Variants in P3H2 observed in about 807,000 individuals in gnomAD.
The protein encoded by P3H2 is leprecan-like 1.
In P3H2, 80 loss-of-function variants were observed where a neutral mutation model predicts 87.0. That is an observed-to-expected ratio of 0.92 (90% CI 0.77 to 1.11). The LOEUF is 1.11. P3H2 is among the 50% of genes least tolerant of loss of function. P3H2 has a pLI of 0.00. For synonymous variants in P3H2, 367 were observed against 359.3 expected, an observed-to-expected ratio of 1.02 and a Z score of -0.24; for missense variants, 1,001 against 923.9, an observed-to-expected ratio of 1.08 and a Z score of -1.08.
intron 1 of P3H2, among the ~76,000 whole-genome samples, chr3:190,085,667 T>C (rs1463918048): frequency 6.6e-6 from 1 of 152,222 alleles, no homozygotes; most frequent in Non-Finnish European, 1.5e-5. Context: ...TTGAGACAGA[T>C]TAGAAAACCT....
At chr3:190,020,223 C>G (rs1047950429) in intron 1 of P3H2, among the ~76,000 whole-genome samples, 1 of 133,782 alleles carries the variant, frequency 7.5e-6, no homozygotes, top group Non-Finnish European at 1.7e-5. Flanking sequence ...AAACCTACAC[C>G]AGGTATCTGA....
chr3:189,984,928 T>C (rs912943110), intron 6 of P3H2, among the ~76,000 whole-genome samples: 10 of 152,140 alleles, frequency 6.6e-5, no homozygotes, highest in African/African-American at 2.4e-4. Flanking sequence ...TTCTTTATGT[T>C]TGCTGAATAA....
intron 4 of P3H2, among the ~76,000 whole-genome samples, chr3:189,988,324 T>C (rs1723768093): frequency 6.6e-6 from 1 of 152,194 alleles, no homozygotes; most frequent in Non-Finnish European, 1.5e-5. Flanking sequence ...GTATGCCTTG[T>C]TTTCAAATAG....
intron 1 of P3H2, among the ~76,000 whole-genome samples, chr3:190,049,572 G>T (rs1725910716): frequency 6.6e-6 from 1 of 152,200 alleles, no homozygotes; most frequent in South Asian, 2.1e-4. Context: ...TCTTGAGGCA[G>T]TTGAGATTCT....
At chr3:189,962,149 TTTC>T (rs1261471071) in intron 14 of P3H2, among the ~76,000 whole-genome samples, 1 of 129,694 alleles carries the variant, frequency 7.7e-6, no homozygotes, top group Non-Finnish European at 1.7e-5. Flanking sequence ...TTTCTTTCTT[TTTC>T]TTCTTCTTCT....
At chr3:190,024,530 C>CAAAAAAAAAAAAAAAAAAAAAA (rs71635314) in intron 1 of P3H2, among the ~76,000 whole-genome samples, 2 of 52,952 alleles carry the variant, frequency 3.8e-5, no homozygotes, top group African/African-American at 6.5e-5. Flanking sequence ...GGTTCCCTCT[C>CAAAAAAAAAAAAAAAAAAAAAA]AAAAAAAAAA....
At chr3:190,074,064 T>A (rs1726790370) in intron 1 of P3H2, among the ~76,000 whole-genome samples, 1 of 152,224 alleles carries the variant, frequency 6.6e-6, no homozygotes, top group Non-Finnish European at 1.5e-5. Flanking sequence ...TTAGGACACT[T>A]GGATTTTACC....
chr3:190,115,881 C>T (rs146550125), intron 1 of P3H2, among the ~76,000 whole-genome samples: 8 of 152,344 alleles, frequency 5.3e-5, no homozygotes, highest in African/African-American at 1.9e-4. Context: ...AATCACCCAA[C>T]TCAGACCTAC....
chr3:190,084,634 T>TA (rs34381010), intron 1 of P3H2, among the ~76,000 whole-genome samples: 57,819 of 152,044 alleles, frequency 0.38, 12,996 homozygotes, highest in African/African-American at 0.64. Context: ...TTATCAATAT[T>TA]AATGAAGAAT....
chr3:190,051,380 T>C lies in P3H2; in HGVS notation c.481-55938A>G, dbSNP rs529865943. On this transcript the variant is annotated intron_variant, in intron 1 of 14. Transcript: ENST00000319332. Reference sequence around the variant, plus strand: ...TGGCATTAAGATGTCATTTAATCTTTGGTCAAACAATGCAATTTAATACGG... The same window carrying C: ...TGGCATTAAGATGTCATTTAATCTTCGGTCAAACAATGCAATTTAATACGG... Among the ~76,000 whole-genome samples, 18 of 152,272 alleles carry C rather than the reference T, an allele frequency of 1.2e-4. No individual in the cohort carries two copies. The South Asian group carries it at 3.3e-3, about 28-fold the overall frequency.
intron 1 of P3H2, among the ~76,000 whole-genome samples, chr3:190,100,416 G>A (rs896296745): frequency 6.6e-6 from 1 of 152,078 alleles, no homozygotes; most frequent in Non-Finnish European, 1.5e-5. Flanking sequence ...TTAAAATGAG[G>A]AGTGAACAAC....
chr3:190,063,880 C>A (rs1011100635), intron 1 of P3H2, among the ~76,000 whole-genome samples: 13 of 151,988 alleles, frequency 8.6e-5, no homozygotes, highest in Non-Finnish European at 1.9e-4. Flanking sequence ...TTTGAAGAGC[C>A]TCCTTGCTCT....
chr3:190,050,802 C>T (rs1725958627), intron 1 of P3H2, among the ~76,000 whole-genome samples: 1 of 152,104 alleles, frequency 6.6e-6, no homozygotes, highest in South Asian at 2.1e-4. Flanking sequence ...AATTCTATTA[C>T]ATTAGAAGAA....
chr3:190,099,429 A>G (rs1335924815), intron 1 of P3H2, among the ~76,000 whole-genome samples: 2 of 152,252 alleles, frequency 1.3e-5, no homozygotes, highest in African/African-American at 4.8e-5. Context: ...GCAGGGGGAA[A>G]GTGTGGAATA....
At chr3:190,019,796 A>ATATATG (rs1553876031) in intron 1 of P3H2, among the ~76,000 whole-genome samples, 1,354 of 53,156 alleles carry the variant, frequency 0.025, 143 homozygotes, top group African/African-American at 0.051. Context: ...ATATATATAT[A>ATATATG]TATATATATA....
rs750132399 is a variant in P3H2 at position 189,987,667 on chromosome 3, C to A, written c.958G>T (p.Gly320Cys). 4 of 1,613,934 alleles carry A rather than the reference C, an allele frequency of 2.5e-6. No individual in the cohort carries two copies. Among genetic ancestry groups the A allele is most frequent in the Non-Finnish European group, 3.4e-6 (4 of 1,179,952 alleles). Reference protein sequence around the residue: ...DYLQFAYYRVGEYVKALECAK... With the variant: ...DYLQFAYYRVCEYVKALECAK... Reference sequence around the variant, plus strand: ...CACTCCAGGGCTTTCACATACTCACCAACTGAAAGACAAAGGAGTTGCAGC... The same window carrying A: ...CACTCCAGGGCTTTCACATACTCACAAACTGAAAGACAAAGGAGTTGCAGC... The change falls in exon 5 of 15, where the codon GGT becomes TGT. Residue 320 changes from glycine to cysteine, a missense_variant and splice_region_variant. Physicochemically the swap from Gly to Cys is radical, Grantham distance 159 (BLOSUM62 -3). Coordinates refer to ENST00000319332, the MANE Select transcript of P3H2 (RefSeq NM_018192.4).
intron 1 of P3H2, among the ~76,000 whole-genome samples, chr3:190,001,583 C>A (rs2108928411): frequency 1.3e-5 from 2 of 152,286 alleles, no homozygotes; most frequent in Non-Finnish European, 2.9e-5. Flanking sequence ...AGCATGTAAG[C>A]TGACACTGAA....
chr3:189,992,591 AG>A (rs1408636115), intron 3 of P3H2, among the ~76,000 whole-genome samples: 3 of 152,232 alleles, frequency 2.0e-5, no homozygotes, highest in Non-Finnish European at 4.4e-5. Context: ...TCAATTATGT[AG>A]ACCTTAAAAG....
At chr3:189,996,676 A>G (rs1290978493) in intron 1 of P3H2, among the ~76,000 whole-genome samples, 2 of 152,218 alleles carry the variant, frequency 1.3e-5, no homozygotes, top group Non-Finnish European at 1.5e-5. Context: ...ACCCTGATTT[A>G]ATCATCATAC....
Sources: gnomAD v4.1 joint callset for allele counts (sites outside exome capture counted in the v4.1 genomes callset) on GRCh38, gnomAD v4.1.1 for gene constraint, MANE v1.5 for transcripts, NCBI Gene and HGNC (gene_info 2026-07-23, HGNC 2026-07-21) for gene names.